Variants in ZSCAN5A observed in about 807,000 individuals in gnomAD.
ZSCAN5A encodes zinc finger and SCAN domain-containing protein 5A.
A neutral mutation model predicts 23.7 loss-of-function variants in ZSCAN5A; 12 were observed. The observed-to-expected ratio is 0.51, with a 90% confidence interval of 0.32 to 0.82. The LOEUF is 0.82. Among genes scored for constraint, ZSCAN5A ranks in the 40% least tolerant of loss-of-function variants. The probability of loss-of-function intolerance (pLI) is 0.03; values close to 1 mark genes in which losing one functional copy is unlikely to be tolerated. For missense variants in ZSCAN5A, 597 were observed against 617.9 expected, an observed-to-expected ratio of 0.97 and a Z score of 0.36; for synonymous variants, 257 against 239.9, an observed-to-expected ratio of 1.07 and a Z score of -0.66.
At chr19:56,286,444 CCAT>C (rs2039132536) in intron 2 of ZSCAN5A, 1 of 151,938 alleles carries the variant, frequency 6.6e-6, no homozygotes, top group Non-Finnish European at 1.5e-5. Context: ...CCCACACCTC[CCAT>C]TCTTCAAATG....
chr19:56,221,907 T>A lies in ZSCAN5A; in HGVS notation c.1159A>T (p.Asn387Tyr). ...SHTGERLFQC[N>Y]LCGKRFMQLI... is the part of the protein sequence containing the mutation. ...TGCATGAAGCGCTTCCCACAGAGAT[T>A]ACATTGAAAGAGTCTCTCGCCTGTG... Residue 387 changes from asparagine to tyrosine, a missense_variant, in exon 6 of 6, where the codon AAT (asparagine) becomes TAT (tyrosine). By Grantham distance (143) the Asn-to-Tyr change is moderately radical. Transcript: ENST00000683990. The A allele has an allele frequency of 6.2e-7, 1 of 1,614,196 alleles. No homozygotes were observed. Among genetic ancestry groups the A allele is most frequent in the Non-Finnish European group, 8.5e-7 (1 of 1,180,036 alleles).
chr19:56,365,331 T>G (rs1198682185), intron 1 of ZSCAN5A, among the ~76,000 whole-genome samples: 1 of 152,226 alleles, frequency 6.6e-6, no homozygotes, highest in African/African-American at 2.4e-5. Context: ...TATTCAATAA[T>G]AAAACTGTTT....
At chr19:56,225,736 G>C (rs1179692588) in intron 2 of ZSCAN5A, among the ~76,000 whole-genome samples, 2 of 152,072 alleles carry the variant, frequency 1.3e-5, no homozygotes, top group Non-Finnish European at 2.9e-5. Context: ...CTCTCTTCAA[G>C]TTCACGATTT....
intron 2 of ZSCAN5A, among the ~76,000 whole-genome samples, chr19:56,241,925 G>C (rs979198562): frequency 3.3e-5 from 5 of 152,294 alleles, no homozygotes; most frequent in African/African-American, 9.6e-5. Context: ...TTTGGGGTAT[G>C]ACTCAACCCG....
chr19:56,341,624 C>A (rs76631570), intron 2 of ZSCAN5A, among the ~76,000 whole-genome samples: 2,191 of 145,226 alleles, frequency 0.015, 54 homozygotes, highest in African/African-American at 0.054. Flanking sequence ...AATGTAATAA[C>A]CTTCATTAAA....
chr19:56,250,218 C>T (rs1327492503), intron 2 of ZSCAN5A, among the ~76,000 whole-genome samples: 1 of 152,166 alleles, frequency 6.6e-6, no homozygotes, highest in African/African-American at 2.4e-5. Flanking sequence ...AAGAGCGACT[C>T]CCTTTCTCCA....
chr19:56,314,982 T>C (rs891202487), upstream of ZSCAN5A: 1 of 152,212 alleles, frequency 6.6e-6, no homozygotes, highest in African/African-American at 2.4e-5. Flanking sequence ...CCCCCACAAA[T>C]AACAGTGAGT....
At chr19:56,320,937 C>G in intron 2 of ZSCAN5A, 2 of 751,864 alleles carry the variant, frequency 2.7e-6, no homozygotes, top group Non-Finnish European at 5.0e-6. Flanking sequence ...CTACTTGGTC[C>G]TGCTTTCAAA....
At chr19:56,310,185 C>G (rs182564631) in intron 2 of ZSCAN5A, 3 of 152,310 alleles carry the variant, frequency 2.0e-5, no homozygotes, top group African/African-American at 7.2e-5. Context: ...TTCACAAGGC[C>G]TCCATCTCCC....
rs1373252907 is a variant in ZSCAN5A, at chr19:56,223,292, A to C, written c.588+339T>G. Among the ~76,000 whole-genome samples, 4 of 152,224 alleles carry C rather than the reference A, an allele frequency of 2.6e-5. No individual in the cohort carries two copies. The East Asian group carries it at 7.7e-4, about 29-fold the overall frequency. ...ATTAAGAAATTGACAATCTGTAGAA[A>C]ATGGTTTCCTTGCTGAATTATTACA... is the stretch of plus-strand genomic sequence containing the variant. On this transcript the variant is annotated intron_variant, in intron 4 of 5. Transcript: ENST00000683990.
chr19:56,353,943 G>A (rs2041685648), intron 2 of ZSCAN5A, among the ~76,000 whole-genome samples: 1 of 152,110 alleles, frequency 6.6e-6, no homozygotes, highest in Non-Finnish European at 1.5e-5. Flanking sequence ...TACAAACAAT[G>A]GAATATTAGT....
intron 2 of ZSCAN5A, among the ~76,000 whole-genome samples, chr19:56,238,004 T>TAC (rs371757139): frequency 0.032 from 171 of 5,426 alleles, 4 homozygotes; most frequent in African/African-American, 0.099. Flanking sequence ...TACGCACACA[T>TAC]ACACACACAC....
At chr19:56,247,112 A>C in intron 2 of ZSCAN5A, 2 of 694,800 alleles carry the variant, frequency 2.9e-6, no homozygotes, top group Non-Finnish European at 5.2e-6. Flanking sequence ...CTAGCCATCC[A>C]CATGAGATCA....
rs376236123 is a variant in ZSCAN5A at position 56,355,647 on chromosome 19, C to T, written c.-358+7588G>A. On this transcript the variant is annotated intron_variant, in intron 2 of 6. Transcript: ENST00000587340. ...AATGATTTATAACAGAAAATTCCAA[C>T]TTGAACTTTGGCTCCAGACTGTGTT... 1.0e-4 allele frequency among the ~76,000 whole-genome samples: 15 copies of T among 149,216 alleles called. No individual in the cohort carries two copies. In the East Asian group the frequency reaches 2.9e-3, roughly 29 times the overall value.
intron 2 of ZSCAN5A, among the ~76,000 whole-genome samples, chr19:56,288,843 C>T (rs2039320367): frequency 6.6e-6 from 1 of 152,184 alleles, no homozygotes; most frequent in Non-Finnish European, 1.5e-5. Context: ...CCCTCCGTTG[C>T]AACCTGGGCT....
chr19:56,289,637 G>C (rs2039380285), intron 2 of ZSCAN5A, among the ~76,000 whole-genome samples: 2 of 151,986 alleles, frequency 1.3e-5, no homozygotes, highest in African/African-American at 4.8e-5. Context: ...TTTTTGAGAT[G>C]GGTTCTCACT....
intron 2 of ZSCAN5A, among the ~76,000 whole-genome samples, chr19:56,276,506 C>CTT (rs3059506): frequency 1.4e-5 from 2 of 139,744 alleles, no homozygotes; most frequent in East Asian, 2.1e-4. Flanking sequence ...CTAAAGAGCT[C>CTT]TTTTTTTTTT....
At position 56,222,290 on chromosome 19, in the gene ZSCAN5A, G is replaced by T. The variant is rs531717987; in HGVS notation, c.776C>A (p.Pro259Gln). 2.3e-5 allele frequency: 37 copies of T among 1,612,776 alleles called. No homozygotes were observed. Among genetic ancestry groups the T allele is most frequent in the African/African-American group, 2.3e-4 (17 of 74,996 alleles). Residue 259 changes from proline (P) to glutamine (Q), a missense_variant, in exon 6 of 6, where the codon CCA (proline) becomes CAA (glutamine). By Grantham distance (76) the Pro-to-Gln change is moderately conservative. Transcript: ENST00000683990. Reference protein sequence around the residue: ...LVRAKEGKDPPKIASVENVDA... With the variant: ...LVRAKEGKDPQKIASVENVDA... ...CACATTTTCCACAGAGGCTATTTTT[G>T]GGGGGTCCTTCCCCTCCTTTGCTCT... is the stretch of plus-strand genomic sequence containing the variant.
intron 2 of ZSCAN5A, among the ~76,000 whole-genome samples, chr19:56,292,654 C>CT (rs1193195336): frequency 6.6e-6 from 1 of 151,968 alleles, no homozygotes; most frequent in Non-Finnish European, 1.5e-5. Flanking sequence ...ACCATCACCA[C>CT]TGACTCCAGA....
Sources: gnomAD v4.1 joint callset for allele counts (sites outside exome capture counted in the v4.1 genomes callset) on GRCh38, gnomAD v4.1.1 for gene constraint, MANE v1.5 for transcripts, NCBI Gene and HGNC (gene_info 2026-07-23, HGNC 2026-07-21) for gene names.